Variants in CLEC16A observed in about 807,000 individuals in gnomAD.
CLEC16A encodes the protein protein CLEC16A.
In CLEC16A, 51 loss-of-function variants were observed where a neutral mutation model predicts 109.5. That is an observed-to-expected ratio of 0.47 (90% CI 0.37 to 0.59). The LOEUF is 0.59. Ranked by LOEUF, CLEC16A falls within the 20% of genes least tolerant of loss-of-function variation. The pLI is 0.00. For missense variants in CLEC16A, 1,339 were observed against 1,394.0 expected, an observed-to-expected ratio of 0.96 and a Z score of 0.63; for synonymous variants, 673 against 564.2, an observed-to-expected ratio of 1.19 and a Z score of -2.73.
At chr16:10,977,054 C>G (rs183433878) in intron 7 of CLEC16A, among the ~76,000 whole-genome samples, 171 bp from the exon 8 acceptor site, 32 of 152,302 alleles carry the variant, frequency 2.1e-4, no homozygotes, top group Non-Finnish European at 4.3e-4. Context: ...TTTAGTAAAC[C>G]TGCCCATTTT....
At chr16:10,950,654 G>T (rs2041681093) in intron 1 of CLEC16A, among the ~76,000 whole-genome samples, 1 of 152,190 alleles carries the variant, frequency 6.6e-6, no homozygotes, top group African/African-American at 2.4e-5. Flanking sequence ...TGGCCAGAAG[G>T]CTGAACACTG....
rs372538759 is a variant in CLEC16A at position 10,982,958 on chromosome 16, C to A, written c.1038C>A (p.Tyr346Ter). 1 of 1,609,462 alleles carries A rather than the reference C, an allele frequency of 6.2e-7. No individual in the cohort carries two copies. Among genetic ancestry groups the A allele is most frequent in the Admixed American group, 1.7e-5 (1 of 59,984 alleles). ...VILNGDLSEM[Y>*]AKTEQDIQRS... ...TGAATGGTGATCTGTCTGAGATGTA[C>A]GCTAAGACTGAACAGGATATTCAGA... The change falls in exon 10 of 24, where the codon TAC (tyrosine) becomes TAA (stop). Residue 346 changes from tyrosine to a stop codon, truncating the protein, a stop_gained. Transcript: ENST00000409790. LOFTEE classifies it high-confidence loss of function.
At chr16:11,118,175 A>G (rs1467532153) in intron 19 of CLEC16A, among the ~76,000 whole-genome samples, 4 of 151,760 alleles carry the variant, frequency 2.6e-5, no homozygotes, top group African/African-American at 4.8e-5. Flanking sequence ...GCTGGTCTTG[A>G]ACTCCTGGGC....
At chr16:11,165,261 C>A (rs1036582152) in intron 22 of CLEC16A, among the ~76,000 whole-genome samples, 1 of 151,810 alleles carries the variant, frequency 6.6e-6, no homozygotes, top group African/African-American at 2.4e-5. Context: ...GAGGCTGAAG[C>A]AGGAGGATCA....
intron 19 of CLEC16A, among the ~76,000 whole-genome samples, chr16:11,070,245 G>A (rs1427845814): frequency 1.3e-5 from 2 of 151,960 alleles, no homozygotes; most frequent in Non-Finnish European, 2.9e-5. Context: ...TAATTTTTTT[G>A]TATTTTTAGT....
chr16:11,134,261 G>A (rs757875693), intron 22 of CLEC16A, among the ~76,000 whole-genome samples: 3 of 148,252 alleles, frequency 2.0e-5, no homozygotes, highest in Admixed American at 6.8e-5. Flanking sequence ...GCAAAACTAC[G>A]TTGTCGGCTC....
chr16:11,051,483 C>G, intron 17 of CLEC16A, 30 bp from the exon 18 acceptor site: 2 of 1,601,282 alleles, frequency 1.2e-6, no homozygotes, highest in Non-Finnish European at 1.7e-6. Flanking sequence ...AAGGAATCTG[C>G]TTTGAGGTTT....
At chr16:10,980,283 C>G (rs1465082279) in intron 9 of CLEC16A, among the ~76,000 whole-genome samples, 3 of 152,156 alleles carry the variant, frequency 2.0e-5, no homozygotes, top group Non-Finnish European at 2.9e-5. Context: ...AGCCCAGAGT[C>G]CTATTCTGGG....
At chr16:11,015,930 A>T (rs1275753433) in intron 11 of CLEC16A, among the ~76,000 whole-genome samples, 2 of 152,352 alleles carry the variant, frequency 1.3e-5, no homozygotes, top group East Asian at 3.9e-4. Flanking sequence ...CAGAGGCCAG[A>T]GGCTGGGAGA....
chr16:11,095,545 C>T (rs1446139582), intron 19 of CLEC16A, among the ~76,000 whole-genome samples: 1 of 152,216 alleles, frequency 6.6e-6, no homozygotes, highest in African/African-American at 2.4e-5. Flanking sequence ...GGCACGATGG[C>T]TCACGCCTGT....
At chr16:11,045,670 G>C (rs566862525) in intron 16 of CLEC16A, among the ~76,000 whole-genome samples, 1 of 152,278 alleles carries the variant, frequency 6.6e-6, no homozygotes, top group Admixed American at 6.5e-5. Flanking sequence ...TTTCTAGTTT[G>C]CTGGCCTCCG....
intron 22 of CLEC16A, among the ~76,000 whole-genome samples, chr16:11,144,531 G>C (rs2053974000): frequency 6.6e-6 from 1 of 152,210 alleles, no homozygotes; most frequent in Non-Finnish European, 1.5e-5. Context: ...ACAGTGCCTA[G>C]GTGCCCAGAG....
chr16:10,979,469 AC>A, intron 9 of CLEC16A, 87 bp downstream of exon 9: 1 of 1,175,130 alleles, frequency 8.5e-7, no homozygotes, highest in Non-Finnish European at 1.2e-6. Flanking sequence ...AGGCCTTATC[AC>A]CCCATCTTCT....
At chr16:10,972,875 T>C in intron 6 of CLEC16A, 63 bp from the exon 7 acceptor site, 1 of 1,507,504 alleles carries the variant, frequency 6.6e-7, no homozygotes, top group Non-Finnish European at 8.9e-7. Flanking sequence ...TTGTTTTTTT[T>C]TTAATCTTCC....
At chr16:11,049,025 C>A (rs1165857597) in intron 17 of CLEC16A, among the ~76,000 whole-genome samples, 1 of 144,572 alleles carries the variant, frequency 6.9e-6, no homozygotes. Flanking sequence ...TTTTTTTTTT[C>A]GAACAGAGTT....
At chr16:11,100,898 G>C (rs1207884870) in intron 19 of CLEC16A, among the ~76,000 whole-genome samples, 2 of 152,118 alleles carry the variant, frequency 1.3e-5, no homozygotes, top group South Asian at 2.1e-4. Flanking sequence ...CATTGTGCTG[G>C]TACAGTTTAT....
intron 19 of CLEC16A, among the ~76,000 whole-genome samples, chr16:11,072,765 C>A (rs1383838754): frequency 6.6e-6 from 1 of 152,238 alleles, no homozygotes; most frequent in Non-Finnish European, 1.5e-5. Context: ...ACAGTCATTA[C>A]AATTCTTCCT....
chr16:11,140,647 G>A (rs1052685638), intron 22 of CLEC16A, among the ~76,000 whole-genome samples: 5 of 152,098 alleles, frequency 3.3e-5, no homozygotes, highest in East Asian at 1.9e-4. Flanking sequence ...GACCCAACAC[G>A]AAGCACCTGA....
intron 19 of CLEC16A, among the ~76,000 whole-genome samples, chr16:11,098,514 G>T (rs555848196): frequency 6.6e-6 from 1 of 152,208 alleles, no homozygotes; most frequent in South Asian, 2.1e-4. Flanking sequence ...AGAGCTGAGC[G>T]TGAGGGCGTT....
Sources: gnomAD v4.1 joint callset for allele counts (sites outside exome capture counted in the v4.1 genomes callset) on GRCh38, gnomAD v4.1.1 for gene constraint, MANE v1.5 for transcripts, NCBI Gene and HGNC (gene_info 2026-07-23, HGNC 2026-07-21) for gene names.